The following PDK3 variants were observed in gnomAD, a reference collection of about 807,000 sequenced individuals.
The protein encoded by PDK3 is pyruvate dehydrogenase kinase 3.
PDK3 carries 12 observed loss-of-function variants against 32.0 expected under a neutral mutation model. That is an observed-to-expected ratio of 0.37 (90% CI 0.24 to 0.61). The LOEUF (loss-of-function observed/expected upper bound fraction) is 0.61. Among genes scored for constraint, PDK3 ranks in the 20% least tolerant of loss-of-function variants. The pLI is 0.65. For synonymous variants in PDK3, 122 were observed against 116.3 expected (o/e 1.05, Z -0.31); for missense variants, 188 against 316.9 (o/e 0.59, Z 3.09).
intron 6 of PDK3, 21 bp from the exon 7 acceptor site, chrX:24,526,177 T>C: frequency 1.7e-6 from 2 of 1,155,694 alleles, no homozygotes; most frequent in Non-Finnish European, 2.4e-6. Flanking sequence ...TATTGATTGA[T>C]GGTTTTGTCT....
chrX:24,515,569 T>A (rs1922234705), intron 5 of PDK3, among the ~76,000 whole-genome samples: 1 of 112,020 alleles, frequency 8.9e-6, no homozygotes, highest in Admixed American at 9.5e-5. Context: ...TGTGTATCGA[T>A]AATGAATGAT....
chrX:24,487,709 C>A (rs1452973592), intron 1 of PDK3, among the ~76,000 whole-genome samples: 1 of 109,249 alleles, frequency 9.2e-6, no homozygotes, highest in African/African-American at 3.3e-5. Flanking sequence ...GTAATTTTTC[C>A]ATGTATTGCT....
intron 9 of PDK3, among the ~76,000 whole-genome samples, chrX:24,528,860 A>G (rs897221249): frequency 8.9e-5 from 10 of 111,937 alleles, no homozygotes; most frequent in Admixed American, 7.6e-4. Flanking sequence ...TTTCTAATTG[A>G]CAAACAACAA....
At chrX:24,543,435 A>ATTTAT (rs760124624) in exon 12 of PDK3, among the ~76,000 whole-genome samples, 80 of 109,923 alleles carry the variant, frequency 7.3e-4, no homozygotes, top group East Asian at 1.7e-3. Flanking sequence ...TTACAGTTTT[A>ATTTAT]TTTATTTTAT....
intron 5 of PDK3, among the ~76,000 whole-genome samples, chrX:24,517,608 C>T (rs1922289593): frequency 8.9e-6 from 1 of 112,701 alleles, no homozygotes; most frequent in Non-Finnish European, 1.9e-5. Context: ...CAAACGCTGA[C>T]TTCAGATTGT....
chrX:24,471,058 T>TG (rs1040226076), intron 1 of PDK3, among the ~76,000 whole-genome samples: 1 of 108,614 alleles, frequency 9.2e-6, no homozygotes, highest in African/African-American at 3.4e-5. Flanking sequence ...TGTCGGGAGG[T>TG]GGGGGGGCTA....
At chrX:24,482,374 A>G (rs1921283052) in intron 1 of PDK3, among the ~76,000 whole-genome samples, 2 of 111,250 alleles carry the variant, frequency 1.8e-5, no homozygotes, top group South Asian at 7.6e-4. Context: ...ACGCCTGGCT[A>G]ATTTTTTGTA....
chrX:24,497,387 C>T (rs1241072076), intron 2 of PDK3, among the ~76,000 whole-genome samples: 1 of 112,066 alleles, frequency 8.9e-6, no homozygotes, highest in African/African-American at 3.2e-5. Flanking sequence ...TGGGTTCAAG[C>T]GATTCTCCTG....
chrX:24,471,727 T>G (rs1156463427), intron 1 of PDK3, among the ~76,000 whole-genome samples: 1 of 112,424 alleles, frequency 8.9e-6, no homozygotes, highest in Non-Finnish European at 1.9e-5. Flanking sequence ...TTTTGCTTTA[T>G]GACTATCAGT....
At chrX:24,471,598 T>C (rs984489275) in intron 1 of PDK3, among the ~76,000 whole-genome samples, 1 of 112,505 alleles carries the variant, frequency 8.9e-6, no homozygotes, top group African/African-American at 3.2e-5. Context: ...TGCAATATTA[T>C]GTTATTTAGG....
chrX:24,502,010 G>A (rs1052198007), intron 3 of PDK3, among the ~76,000 whole-genome samples: 15 of 111,587 alleles, frequency 1.3e-4, no homozygotes, highest in Admixed American at 1.0e-3. Flanking sequence ...CTGATGGGGT[G>A]CTAGTTTTTT....
chrX:24,498,943 A>C (rs768066210), intron 3 of PDK3, 43 bp downstream of exon 3: 1 of 814,456 alleles, frequency 1.2e-6, no homozygotes, highest in Non-Finnish European at 1.7e-6. Context: ...ATATCTAGGT[A>C]AGAAAGATTT....
intron 7 of PDK3, among the ~76,000 whole-genome samples, 196 bp downstream of exon 7, chrX:24,526,470 T>C (rs994464688): frequency 8.9e-6 from 1 of 112,429 alleles, no homozygotes; most frequent in Non-Finnish European, 1.9e-5. Context: ...ATAGTTTTTG[T>C]GAATATTAGT....
intron 3 of PDK3, among the ~76,000 whole-genome samples, chrX:24,502,909 T>G (rs1003129540): frequency 1.8e-5 from 2 of 112,244 alleles, no homozygotes; most frequent in Non-Finnish European, 3.8e-5. Context: ...AAGCTATTGC[T>G]TTGAGATTGC....
chrX:24,505,674 A>G (rs967455592), intron 5 of PDK3, among the ~76,000 whole-genome samples: 15 of 111,889 alleles, frequency 1.3e-4, no homozygotes, highest in Non-Finnish European at 2.6e-4. Context: ...AAATTTAAAC[A>G]TATTTCTGTT....
At chrX:24,471,449 A>G (rs1920990038) in intron 1 of PDK3, among the ~76,000 whole-genome samples, 1 of 111,888 alleles carries the variant, frequency 8.9e-6, no homozygotes, top group African/African-American at 3.2e-5. Context: ...GTGATTACAG[A>G]ATGTTGTCTG....
intron 1 of PDK3, among the ~76,000 whole-genome samples, chrX:24,472,763 C>T (rs763295283): frequency 4.5e-4 from 45 of 100,313 alleles, no homozygotes; most frequent in African/African-American, 1.6e-3. Flanking sequence ...TCTGGGCTCA[C>T]CGCAACCTCC....
intron 1 of PDK3, among the ~76,000 whole-genome samples, chrX:24,471,052 G>A (rs1920986462): frequency 1.8e-5 from 2 of 110,432 alleles, no homozygotes. Context: ...AGGGCCTGTC[G>A]GGAGGTGGGG....
intron 10 of PDK3, among the ~76,000 whole-genome samples, chrX:24,532,563 CA>C (rs1922675706): frequency 9.0e-6 from 1 of 111,168 alleles, no homozygotes; most frequent in African/African-American, 3.3e-5. Flanking sequence ...ATATTTGTAA[CA>C]TTTTTTTGAA....
Sources: allele counts gnomAD v4.1 joint callset (sites outside exome capture counted in the v4.1 genomes callset), GRCh38; gene constraint gnomAD v4.1.1; transcripts MANE v1.5; gene names NCBI Gene and HGNC (gene_info 2026-07-23, HGNC 2026-07-21).